Variants in SERPINI1 observed in about 807,000 individuals in gnomAD.
The protein encoded by SERPINI1 is neuroserpin.
SERPINI1 carries 19 observed loss-of-function variants against 41.1 expected under a neutral mutation model. The ratio of observed to expected loss-of-function variants is 0.46; its 90% CI spans 0.32 to 0.68. The LOEUF is 0.68. SERPINI1 is among the 30% of genes least tolerant of loss of function. The probability of loss-of-function intolerance (pLI) is 0.03; values close to 1 mark genes in which losing one functional copy is unlikely to be tolerated. For synonymous variants in SERPINI1, 138 were observed against 156.6 expected, an observed-to-expected ratio of 0.88 and a Z score of 0.89; for missense variants, 460 against 479.2, an observed-to-expected ratio of 0.96 and a Z score of 0.37.
chr3:167,772,823 A>ACTCACTCTCTCTCTCTCT (rs1307269527), intron 1 of SERPINI1, among the ~76,000 whole-genome samples: 1 of 23,640 alleles, frequency 4.2e-5, no homozygotes, highest in African/African-American at 1.5e-4. Flanking sequence ...GTATCTTGAG[A>ACTCACTCTCTCTCTCTCT]CTCTCTCTCT....
chr3:167,748,848 C>A (rs1725951048), intron 1 of SERPINI1, among the ~76,000 whole-genome samples: 1 of 151,706 alleles, frequency 6.6e-6, no homozygotes, highest in Non-Finnish European at 1.5e-5. Flanking sequence ...TGTTGTCTTA[C>A]ACTGAGCTCT....
At chr3:167,767,904 GT>G (rs971325590) in intron 1 of SERPINI1, among the ~76,000 whole-genome samples, 4 of 152,084 alleles carry the variant, frequency 2.6e-5, no homozygotes, top group African/African-American at 9.7e-5. Flanking sequence ...CAAAGGAAGT[GT>G]TTTTTTGGAG....
chr3:167,744,626 A>T (rs1400770117), intron 1 of SERPINI1, among the ~76,000 whole-genome samples: 2 of 137,814 alleles, frequency 1.5e-5, no homozygotes, highest in Admixed American at 1.5e-4. Flanking sequence ...ACTATATTTA[A>T]ATATTTTATA....
chr3:167,749,964 G>A (rs974167217), intron 1 of SERPINI1, among the ~76,000 whole-genome samples: 2 of 152,172 alleles, frequency 1.3e-5, no homozygotes, highest in African/African-American at 4.8e-5. Flanking sequence ...CTGGGTGAAT[G>A]AAGGACAGAG....
chr3:167,744,917 G>A (rs1577396379), intron 1 of SERPINI1, among the ~76,000 whole-genome samples: 1 of 142,606 alleles, frequency 7.0e-6, no homozygotes, highest in African/African-American at 2.6e-5. Flanking sequence ...AGGGTGCCAA[G>A]CCAGTCAGTT....
intron 1 of SERPINI1, among the ~76,000 whole-genome samples, chr3:167,755,195 G>C (rs1726158640): frequency 6.6e-6 from 1 of 152,126 alleles, no homozygotes; most frequent in African/African-American, 2.4e-5. Flanking sequence ...AAAGAATCAT[G>C]CATATTAATC....
intron 1 of SERPINI1, among the ~76,000 whole-genome samples, chr3:167,771,122 T>C (rs185595434): frequency 6.6e-6 from 1 of 152,336 alleles, no homozygotes; most frequent in East Asian, 1.9e-4. Flanking sequence ...ACAGTATTTA[T>C]CAAAATTATA....
At chr3:167,742,571 A>C (rs1725713867) in intron 1 of SERPINI1, among the ~76,000 whole-genome samples, 1 of 152,158 alleles carries the variant, frequency 6.6e-6, no homozygotes, top group Admixed American at 6.6e-5. Flanking sequence ...CAGGAAATAA[A>C]AGCTTTCCCA....
At chr3:167,741,591 G>T (rs988453155) in intron 1 of SERPINI1, among the ~76,000 whole-genome samples, 2 of 152,190 alleles carry the variant, frequency 1.3e-5, no homozygotes, top group African/African-American at 4.8e-5. Context: ...CCCGTTAGTA[G>T]TATGCTAGAG....
At chr3:167,768,387 C>T (rs1314423427) in intron 1 of SERPINI1, among the ~76,000 whole-genome samples, 1 of 152,172 alleles carries the variant, frequency 6.6e-6, no homozygotes, top group Non-Finnish European at 1.5e-5. Context: ...CTTTTATATA[C>T]AGTGGAAAAC....
intron 4 of SERPINI1, among the ~76,000 whole-genome samples, chr3:167,793,947 T>C (rs1356112944): frequency 6.6e-6 from 1 of 151,434 alleles, no homozygotes; most frequent in Non-Finnish European, 1.5e-5. Flanking sequence ...ATATCAATAT[T>C]CACAAATATA....
At chr3:167,803,137 G>C (rs1475750825) in intron 5 of SERPINI1, among the ~76,000 whole-genome samples, 1 of 151,828 alleles carries the variant, frequency 6.6e-6, no homozygotes, top group African/African-American at 2.4e-5. Flanking sequence ...TGGGGTTGGG[G>C]GAGGGGGAGG....
chr3:167,751,476 T>G (rs1435714359), intron 1 of SERPINI1, among the ~76,000 whole-genome samples: 1 of 152,230 alleles, frequency 6.6e-6, no homozygotes, highest in Non-Finnish European at 1.5e-5. Flanking sequence ...ATTAAATTAT[T>G]AAGCAGTCAA....
At chr3:167,755,947 C>G (rs1033648900) in intron 1 of SERPINI1, among the ~76,000 whole-genome samples, 3 of 152,018 alleles carry the variant, frequency 2.0e-5, no homozygotes, top group African/African-American at 4.8e-5. Flanking sequence ...ATGACCCTGA[C>G]TAGCTGGCTC....
chr3:167,807,431 TG>T, intron 6 of SERPINI1, 90 bp downstream of exon 6: 1 of 862,906 alleles, frequency 1.2e-6, no homozygotes, highest in Non-Finnish European at 1.9e-6. Flanking sequence ...TATGGAGTTC[TG>T]GGGTAAAATA....
chr3:167,766,132 T>C (rs1726559134), intron 1 of SERPINI1, among the ~76,000 whole-genome samples: 1 of 151,966 alleles, frequency 6.6e-6, no homozygotes. Context: ...GGGTATCTTT[T>C]CAGCAATGCA....
At chr3:167,779,440 G>A (rs1256253353) in intron 1 of SERPINI1, among the ~76,000 whole-genome samples, 3 of 152,074 alleles carry the variant, frequency 2.0e-5, no homozygotes, top group Admixed American at 1.3e-4. Flanking sequence ...TATCCACAGG[G>A]CAATAATCAA....
At chr3:167,806,695 A>G (rs554582310) in intron 5 of SERPINI1, among the ~76,000 whole-genome samples, 30 of 152,076 alleles carry the variant, frequency 2.0e-4, no homozygotes, top group African/African-American at 7.2e-4. Context: ...TGCTAAATGT[A>G]TTTATTGCAA....
chr3:167,820,668 G>T (rs1374422186), intron 6 of SERPINI1, among the ~76,000 whole-genome samples: 1 of 152,098 alleles, frequency 6.6e-6, no homozygotes, highest in Non-Finnish European at 1.5e-5. Flanking sequence ...CTCAGTGCAG[G>T]CCTGCAGGCG....
Sources: gnomAD v4.1 joint callset for allele counts (sites outside exome capture counted in the v4.1 genomes callset) on GRCh38, gnomAD v4.1.1 for gene constraint, MANE v1.5 for transcripts, NCBI Gene and HGNC (gene_info 2026-07-23, HGNC 2026-07-21) for gene names.